Variants in EIF4G3 observed in about 807,000 individuals in gnomAD.
EIF4G3 encodes the protein eukaryotic translation initiation factor 4 gamma 3.
In EIF4G3, 34 loss-of-function variants were observed where a neutral mutation model predicts 186.4. The observed-to-expected ratio is 0.18, with a 90% CI of 0.14 to 0.24. The LOEUF (loss-of-function observed/expected upper bound fraction) is 0.24, where lower values mean the gene tolerates loss of function less well. Among genes scored for constraint, EIF4G3 ranks in the 10% least tolerant of loss-of-function variants. EIF4G3 has a pLI of 1.00. For synonymous variants in EIF4G3, 673 were observed against 679.5 expected (o/e 0.99, Z 0.15); for missense variants, 1,536 against 1,948.5 (o/e 0.79, Z 3.99).
In EIF4G3 at chr1:20,942,147, G is replaced by C. The variant is rs1247961386; in HGVS notation, c.1007C>G (p.Ala336Gly). The change falls in exon 14 of 37, where the codon GCA becomes GGA. Residue 336 changes from alanine to glycine, a missense_variant. This residue lies in a region of EIF4G3 where 560 missense variants were observed against 547.8 expected (regional missense o/e 1.02). Transcript: ENST00000602326. Reference protein sequence around the residue: ...TVSSVARSTIAAPTSSALSSQ... With the variant: ...TVSSVARSTIGAPTSSALSSQ... ...ACTAAGAGCAGAAGAGGTGGGGGCT[G>C]CAATTGTACTTCGAGCAACAGAAGA... 3.1e-6 allele frequency: 5 copies of C among 1,614,122 alleles called. No homozygotes were observed. In the South Asian group the frequency reaches 5.5e-5, roughly 18 times the overall value.
intron 19 of EIF4G3, among the ~76,000 whole-genome samples, chr1:20,881,596 G>A (rs917379564): frequency 1.3e-5 from 2 of 151,874 alleles, no homozygotes; most frequent in Non-Finnish European, 2.9e-5. Flanking sequence ...AGACCAGCCT[G>A]GGCAACATGG....
chr1:20,914,517 T>A (rs1291004951), intron 14 of EIF4G3, among the ~76,000 whole-genome samples: 1 of 151,720 alleles, frequency 6.6e-6, no homozygotes, highest in Non-Finnish European at 1.5e-5. Context: ...TCCAGAGGAG[T>A]CACAGACCTG....
intron 12 of EIF4G3, among the ~76,000 whole-genome samples, chr1:20,953,149 T>G (rs1349894138): frequency 6.6e-6 from 1 of 152,132 alleles, no homozygotes; most frequent in Non-Finnish European, 1.5e-5. Flanking sequence ...GGAAAGGCAA[T>G]CACTACCAAA....
At chr1:20,860,709 T>G (rs1468804482) in intron 23 of EIF4G3, among the ~76,000 whole-genome samples, 192 bp from the exon 24 acceptor site, 1 of 152,296 alleles carries the variant, frequency 6.6e-6, no homozygotes, top group African/African-American at 2.4e-5. Context: ...ATCTTCTCAG[T>G]CAAAACTGGC....
intron 2 of EIF4G3, among the ~76,000 whole-genome samples, chr1:21,165,119 C>T (rs1275528577): frequency 6.6e-6 from 1 of 152,116 alleles, no homozygotes; most frequent in Non-Finnish European, 1.5e-5. Context: ...AAATCAAAAC[C>T]ACAATGAGAT....
chr1:20,849,460 C>T lies in EIF4G3; in HGVS notation c.3843G>A (p.Lys1281=), dbSNP rs749565918. 1 of 1,555,762 alleles carries T rather than the reference C, an allele frequency of 6.4e-7. No homozygotes were observed. The highest frequency in any genetic ancestry group is 8.7e-7 in the Non-Finnish European group (1 of 1,155,162). Residue 1281 remains lysine, a synonymous_variant, in exon 29 of 37, where the codon AAG becomes AAA. Transcript: ENST00000602326. ...AALSEEELER[K]SKSIIDEFLH... is the part of the protein sequence containing the mutation. Reference sequence around the variant, plus strand: ...GAAATTCATCAATGATAGATTTCGACTTCCTCTCCAGTTCCTCTTCTGATA... The same window carrying T: ...GAAATTCATCAATGATAGATTTCGATTTCCTCTCCAGTTCCTCTTCTGATA...
In EIF4G3 at chr1:21,042,995, C is replaced by G. The variant is rs565837636; in HGVS notation, c.-67+7871G>C. ...AACCAGATAAAAAATAAATTAGTGG[C>G]ACTAAAGTGAGTTTTTCCCCCAAAT... On this transcript the variant is annotated intron_variant, in intron 4 of 36. Coordinates refer to ENST00000602326, the MANE Select transcript of EIF4G3 (RefSeq NM_001391906.1). Among the ~76,000 whole-genome samples, 16 of 152,212 alleles carry G rather than the reference C, an allele frequency of 1.1e-4. No individual in the cohort carries two copies. The South Asian group carries it at 3.1e-3, about 30-fold the overall frequency.
At chr1:20,962,762 A>T (rs1202271326) in intron 12 of EIF4G3, among the ~76,000 whole-genome samples, 1 of 152,228 alleles carries the variant, frequency 6.6e-6, no homozygotes, top group Non-Finnish European at 1.5e-5. Flanking sequence ...GGAGATGATT[A>T]GTGTCACAGG....
At chr1:21,011,367 A>G (rs933773689) in intron 4 of EIF4G3, among the ~76,000 whole-genome samples, 3 of 152,204 alleles carry the variant, frequency 2.0e-5, no homozygotes, top group African/African-American at 7.2e-5. Flanking sequence ...TTATAGATTT[A>G]CACGGAATTT....
intron 2 of EIF4G3, among the ~76,000 whole-genome samples, chr1:21,144,155 G>C (rs1017016369): frequency 7.2e-5 from 11 of 152,248 alleles, no homozygotes; most frequent in Non-Finnish European, 1.5e-4. Context: ...AGTCCAAATA[G>C]AGCTCCAAAA....
intron 16 of EIF4G3, among the ~76,000 whole-genome samples, chr1:20,896,435 C>CAAAAAAAAAA (rs201025308): frequency 1.8e-5 from 1 of 54,726 alleles, no homozygotes. Context: ...GATTCTATCT[C>CAAAAAAAAAA]AAAAAAAAAA....
chr1:21,162,884 T>TC (rs1202162616), intron 2 of EIF4G3, among the ~76,000 whole-genome samples: 2 of 152,190 alleles, frequency 1.3e-5, no homozygotes, highest in Non-Finnish European at 2.9e-5. Flanking sequence ...AGGTCACTGG[T>TC]CAGTGTTGTT....
intron 2 of EIF4G3, among the ~76,000 whole-genome samples, chr1:21,119,615 T>G (rs2096891828): frequency 6.6e-6 from 1 of 152,168 alleles, no homozygotes; most frequent in South Asian, 2.1e-4. Flanking sequence ...TTATGTAATT[T>G]GAAAAAGGAC....
chr1:20,845,048 G>A (rs1462590672), intron 29 of EIF4G3, among the ~76,000 whole-genome samples: 1 of 152,228 alleles, frequency 6.6e-6, no homozygotes, highest in Middle Eastern at 3.4e-3. Flanking sequence ...CTTTGCCTGT[G>A]CCTATGTCCT....
intron 27 of EIF4G3, among the ~76,000 whole-genome samples, chr1:20,851,999 CAG>C (rs2073441254): frequency 6.6e-6 from 1 of 152,188 alleles, no homozygotes; most frequent in Non-Finnish European, 1.5e-5. Flanking sequence ...GCCTGGGTGA[CAG>C]TGAGACTCTG....
At chr1:21,120,261 C>T (rs558408031) in intron 2 of EIF4G3, among the ~76,000 whole-genome samples, 1 of 151,578 alleles carries the variant, frequency 6.6e-6, no homozygotes, top group Non-Finnish European at 1.5e-5. Flanking sequence ...CTCAATTACA[C>T]ATCATTAAGT....
intron 4 of EIF4G3, among the ~76,000 whole-genome samples, chr1:21,013,157 G>A (rs2087719678): frequency 6.6e-6 from 1 of 152,124 alleles, no homozygotes; most frequent in African/African-American, 2.4e-5. Context: ...AGGGATCACA[G>A]TGTGAAAGAA....
intron 4 of EIF4G3, among the ~76,000 whole-genome samples, chr1:21,024,283 G>A (rs1363092008): frequency 3.3e-5 from 5 of 151,018 alleles, no homozygotes; most frequent in Admixed American, 1.3e-4. Flanking sequence ...CTGCCCGGCC[G>A]CCCCTACTGG....
chr1:20,893,001 G>A, intron 18 of EIF4G3: 1 of 356,386 alleles, frequency 2.8e-6, no homozygotes, highest in Non-Finnish European at 5.1e-6. Flanking sequence ...TGGACCTCCT[G>A]GGGTCAAGTA....
Sources: gnomAD v4.1 joint callset for allele counts (sites outside exome capture counted in the v4.1 genomes callset) on GRCh38, gnomAD v4.1.1 for gene constraint, gnomAD v4.1.1 regional missense constraint, MANE v1.5 for transcripts, NCBI Gene and HGNC (gene_info 2026-07-23, HGNC 2026-07-21) for gene names.